The following ZNF268 variants were observed in gnomAD, a reference collection of about 807,000 sequenced individuals.
ZNF268 encodes the protein zinc finger protein 3.
Under a neutral mutation model 29.3 loss-of-function variants are expected in ZNF268, and 20 were observed. That is an observed-to-expected ratio of 0.68 (90% confidence interval 0.48 to 0.99). The LOEUF is 0.99. ZNF268 is among the 50% of genes least tolerant of loss of function. The pLI, the probability that ZNF268 is intolerant of heterozygous loss-of-function variation, is 0.00. For synonymous variants in ZNF268, 429 were observed against 376.9 expected (o/e 1.14, Z -1.60); for missense variants, 1,240 against 1,121.6 (o/e 1.11, Z -1.51).
chr12:133,206,295 T>C lies in ZNF268; in HGVS notation c.*1765T>C, dbSNP rs562068002. The C allele has an allele frequency of 9.2e-5, 14 of 152,330 alleles. No homozygotes were observed. Among genetic ancestry groups the C allele is most frequent in the South Asian group, 2.1e-4 (1 of 4,830 alleles). 9.4% of individuals were successfully genotyped at this position (152,330 alleles called of 1,614,324 possible). ...TGGCATCATGTGCTCACTGAGGCTT[T>C]GGGGAAATGGATAAGTTGTCATTGA... On this transcript the variant is annotated 3_prime_UTR_variant, in exon 6 of 6. Transcript: ENST00000536435.
At chr12:133,191,839 T>C (rs1956482950) in intron 4 of ZNF268, 69 bp from the exon 5 acceptor site, 1 of 1,575,360 alleles carries the variant, frequency 6.3e-7, no homozygotes, top group Admixed American at 1.7e-5. Flanking sequence ...ACCAAATCTT[T>C]CCCGTTCTTC....
intron 5 of ZNF268, among the ~76,000 whole-genome samples, chr12:133,192,892 T>A (rs1956509952): frequency 6.6e-6 from 1 of 152,176 alleles, no homozygotes; most frequent in Non-Finnish European, 1.5e-5. Flanking sequence ...ATCTCCTGAC[T>A]TTGTGATCCG....
rs1296009661 is a variant in ZNF268 at position 133,211,081 on chromosome 12, A to C, written c.*6551A>C. On this transcript the variant is annotated 3_prime_UTR_variant, in exon 6 of 6. Coordinates refer to ENST00000536435, the MANE Select transcript of ZNF268 (RefSeq NM_003415.3). ...GAATGGATAGAGATAATAAAAGGCA[A>C]AGTAGATGGCCATAGACAAAAGTCA... The C allele has an allele frequency of 1.1e-5, 5 of 451,740 alleles. No homozygotes were observed. In the East Asian group the frequency reaches 2.8e-4, roughly 25 times the overall value. The allele number at this position is 451,740 out of a possible 1,614,324, so 28.0% of individuals were successfully genotyped here. A position where few individuals can be genotyped will look rare whatever the true frequency, so the allele number is the denominator to read the frequency against.
At chr12:133,185,615 AT>A (rs1956292907) in intron 2 of ZNF268, among the ~76,000 whole-genome samples, 1 of 151,814 alleles carries the variant, frequency 6.6e-6, no homozygotes, top group Admixed American at 6.6e-5. Context: ...CTGGGAAGCC[AT>A]GGGGCCCGGG....
In ZNF268 at chr12:133,203,664, G is replaced by C. The variant is rs373847832; in HGVS notation, c.1978G>C (p.Gly660Arg). The C allele has an allele frequency of 1.3e-6, 2 of 1,551,774 alleles. No individual in the cohort carries two copies. Among genetic ancestry groups the C allele is most frequent in the Non-Finnish European group, 1.7e-6 (2 of 1,153,620 alleles). Residue 660 changes from glycine to arginine, a missense_variant, in exon 6 of 6, where the codon GGA (glycine) becomes CGA (arginine). By Grantham distance (125) the Gly-to-Arg change is moderately radical. This residue lies in a region of ZNF268 where 1,177 missense variants were observed against 1,039.6 expected (regional missense o/e 1.13). Coordinates refer to ENST00000536435, the MANE Select transcript of ZNF268 (RefSeq NM_003415.3). The part of the protein sequence containing the change: ...TFKSQLIVHK[G>R]VHTGVKPYGC... Reference sequence around the variant, plus strand: ...CAAATCACAGCTCATTGTACATAAAGGAGTGCACACTGGAGTAAAACCCTA... The same window carrying C: ...CAAATCACAGCTCATTGTACATAAACGAGTGCACACTGGAGTAAAACCCTA...
Position 133,204,380 on chromosome 12 carries a change from G to T in ZNF268, c.2694G>T (p.Gly898=). ...AACCCTATGGGTGCAATGAATGTGG[G>T]AAAACCTTCTCTCAAAAATCAATTC... ...GEKPYGCNEC[G]KTFSQKSILS... The change falls in exon 6 of 6, where the codon GGG becomes GGT. Residue 898 remains glycine (G), a synonymous_variant. Coordinates refer to ENST00000536435, the MANE Select transcript of ZNF268 (RefSeq NM_003415.3). The T allele has an allele frequency of 6.4e-7, 1 of 1,572,170 alleles. No homozygotes were observed. The highest frequency in any genetic ancestry group is 1.4e-5 in the African/African-American group (1 of 74,024).
At position 133,183,143 on chromosome 12, in the gene ZNF268, C is replaced by T. The variant is rs566981383; in HGVS notation, c.33+1113C>T. Among the ~76,000 whole-genome samples, 24 of 152,282 alleles carry T rather than the reference C, an allele frequency of 1.6e-4. No individual in the cohort carries two copies. The South Asian group carries it at 5.0e-3, about 32-fold the overall frequency. On this transcript the variant is annotated intron_variant, in intron 2 of 5. Transcript: ENST00000536435. ...TGATCTGAAGTGGAACAGTTTCATC[C>T]AGAAGCCATCGCCGCACCCGACTGC...
chr12:133,203,063 CATT>C lies in ZNF268; in HGVS notation c.1378_1380del (p.Ile460del). 1 of 1,538,108 alleles carries C rather than the reference CATT, an allele frequency of 6.5e-7. No individual in the cohort carries two copies. The stretch of plus-strand genomic sequence containing the variant: ...AAGCCTTTACATTCAAGTCACAGCT[CATT>C]GTACATCAGGGGATTCACACAGGAG... On this transcript the variant is annotated inframe_deletion, in exon 6 of 6. Transcript: ENST00000536435.
chr12:133,185,661 G>A lies in ZNF268; in HGVS notation c.34-2211G>A, dbSNP rs150286814. Among the ~76,000 whole-genome samples, 873 of 152,264 alleles carry A rather than the reference G, an allele frequency of 5.7e-3. 9 individuals are homozygous for A. The highest frequency in any genetic ancestry group is 0.02 in the African/African-American group (849 of 41,540). Reference sequence around the variant, plus strand: ...GGCGCTAAGACAGGGAGCAACGTGAGCTGCTTAGGGTTTCCAAAGACCCTT... The same window carrying A: ...GGCGCTAAGACAGGGAGCAACGTGAACTGCTTAGGGTTTCCAAAGACCCTT... On this transcript the variant is annotated intron_variant, in intron 2 of 5. Transcript: ENST00000536435.
intron 2 of ZNF268, among the ~76,000 whole-genome samples, chr12:133,186,572 TTTACTGTG>T (rs1956322288): frequency 6.6e-6 from 1 of 151,654 alleles, no homozygotes; most frequent in African/African-American, 2.4e-5. Context: ...GAGACGGGGT[TTTACTGTG>T]TTGCCCAGGC....
intron 2 of ZNF268, 115 bp from the exon 3 acceptor site, chr12:133,187,757 T>G (rs1228437708): frequency 9.3e-7 from 1 of 1,069,680 alleles, no homozygotes; most frequent in East Asian, 2.6e-5. Flanking sequence ...TTCCTGAAGT[T>G]AAACCTGCCT....
rs369341864 is a variant in ZNF268, at chr12:133,211,586, C to CAAA, written c.*7068_*7070dup. On this transcript the variant is annotated 3_prime_UTR_variant, in exon 6 of 6. Transcript: ENST00000536435. ...GGGCAACAAGAGTGAAACTCCGTCT[C>CAAA]AAAAAAAAAAAAAAGAAGATATACA... The CAAA allele has an allele frequency of 1.7e-5, 2 of 117,054 alleles. No individual in the cohort carries two copies. The highest frequency in any genetic ancestry group is 2.8e-4 in the South Asian group (1 of 3,592). 7.3% of individuals were successfully genotyped at this position (117,054 alleles called of 1,614,324 possible).
chr12:133,203,560 C>T lies in ZNF268; in HGVS notation c.1874C>T (p.Ser625Leu), dbSNP rs764011877. The T allele has an allele frequency of 3.5e-5, 54 of 1,559,396 alleles. 1 individual carries two copies. Among genetic ancestry groups the T allele is most frequent in the Non-Finnish European group, 4.6e-5 (53 of 1,155,506 alleles). The part of the protein sequence containing the change: ...SECQKAFNTK[S>L]NLIVHQRTHT... The stretch of plus-strand genomic sequence containing the variant: ...TGTCAGAAAGCCTTTAATACAAAGT[C>T]AAACCTGATTGTACATCAGAGAACT... Residue 625 changes from serine to leucine, a missense_variant, in exon 6 of 6, where the codon TCA (serine) becomes TTA (leucine). Ser to Leu is a moderately radical substitution (Grantham distance 145, BLOSUM62 -2). Coordinates refer to ENST00000536435, the MANE Select transcript of ZNF268 (RefSeq NM_003415.3).
chr12:133,203,797 C>A lies in ZNF268; in HGVS notation c.2111C>A (p.Ala704Asp). The change falls in exon 6 of 6, where the codon GCC (alanine) becomes GAC (aspartate). Residue 704 changes from alanine to aspartate, a missense_variant. Ala to Asp is a moderately radical substitution (Grantham distance 126, BLOSUM62 -2). This residue lies in a region of ZNF268 where 1,177 missense variants were observed against 1,039.6 expected (regional missense o/e 1.13). Coordinates refer to ENST00000536435, the MANE Select transcript of ZNF268 (RefSeq NM_003415.3). ...TATGGATGCAGTGAGTGTGGGAAAG[C>A]CTTCAGGAGCAAGTCATACCTTATT... is the stretch of plus-strand genomic sequence containing the variant. ...KPYGCSECGK[A>D]FRSKSYLIIH... The A allele has an allele frequency of 1.3e-6, 2 of 1,564,132 alleles. No homozygotes were observed. The highest frequency in any genetic ancestry group is 1.7e-6 in the Non-Finnish European group (2 of 1,161,414).
chr12:133,185,185 A>G (rs1231512752), intron 2 of ZNF268, among the ~76,000 whole-genome samples: 2 of 136,296 alleles, frequency 1.5e-5, no homozygotes, highest in African/African-American at 6.9e-5. Context: ...CTCTGTCTCA[A>G]AAAAAAAAAA....
At chr12:133,193,671 T>C (rs887909271) in intron 5 of ZNF268, 4 of 435,940 alleles carry the variant, frequency 9.2e-6, no homozygotes, top group African/African-American at 4.0e-5. Context: ...GGAGTAAGTT[T>C]CAACATGAGT....
intron 1 of ZNF268, 27 bp from the exon 2 acceptor site, chr12:133,181,919 C>G (rs992651284): frequency 1.3e-6 from 2 of 1,506,830 alleles, no homozygotes; most frequent in Non-Finnish European, 9.0e-7. Context: ...TGGGTGACCT[C>G]TTTCTTCACT....
rs1956908681 is a variant in ZNF268 at position 133,206,930 on chromosome 12, TTAC to T, written c.*2407_*2409del. 6.6e-6 allele frequency: 1 copy of T among 152,238 alleles called. No individual in the cohort carries two copies. The allele number at this position is 152,238 out of a possible 1,614,324, so 9.4% of individuals were successfully genotyped here. ...TCATAAGAGAAAGTTTATATTCAGT[TTAC>T]TACTACCTAGGGTTAGATTTTAGTT... is the stretch of plus-strand genomic sequence containing the variant. On this transcript the variant is annotated 3_prime_UTR_variant, in exon 6 of 6. Transcript: ENST00000536435.
chr12:133,202,334 T>C lies in ZNF268; in HGVS notation c.648T>C (p.Thr216=). ...HGKSLKYIDF[T]SDYARNNPNG... ...AGAGTTTGAAATATATAGATTTCAC[T>C]AGTGATTATGCTAGAAATAATCCTA... The change falls in exon 6 of 6, where the codon ACT becomes ACC. Residue 216 remains threonine (T), a synonymous_variant. Transcript: ENST00000536435. 1 of 1,611,784 alleles carries C rather than the reference T, an allele frequency of 6.2e-7. No individual in the cohort carries two copies. Among genetic ancestry groups the C allele is most frequent in the Non-Finnish European group, 8.5e-7 (1 of 1,178,882 alleles).
Sources: gnomAD v4.1 joint callset for allele counts (sites outside exome capture counted in the v4.1 genomes callset) on GRCh38, gnomAD v4.1.1 for gene constraint, gnomAD v4.1.1 regional missense constraint, MANE v1.5 for transcripts, NCBI Gene and HGNC (gene_info 2026-07-23, HGNC 2026-07-21) for gene names.